EPB41L2: variants seen among roughly 807,000 people sequenced by gnomAD.
The protein encoded by EPB41L2 is erythrocyte membrane protein band 4.1 like 2.
EPB41L2 carries 43 observed loss-of-function variants against 113.0 expected under a neutral mutation model. The observed-to-expected ratio is 0.38, with a 90% CI of 0.30 to 0.49. The LOEUF is 0.49. Ranked by LOEUF, EPB41L2 falls within the 20% of genes least tolerant of loss-of-function variation. EPB41L2 has a pLI of 0.95. For missense variants in EPB41L2, 1,147 were observed against 1,223.4 expected (o/e 0.94, Z 0.93); for synonymous variants, 442 against 436.7 (o/e 1.01, Z -0.15).
intron 19 of EPB41L2, among the ~76,000 whole-genome samples, chr6:130,844,971 GGCAGAAGTT>G (rs1471167184): frequency 2.0e-5 from 3 of 152,048 alleles, no homozygotes; most frequent in Admixed American, 6.6e-5. Context: ...GAACCCACGA[GGCAGAAGTT>G]GCAGTGAGCT....
chr6:130,951,581 C>T (rs1815115576), intron 3 of EPB41L2, among the ~76,000 whole-genome samples: 1 of 151,762 alleles, frequency 6.6e-6, no homozygotes, highest in African/African-American at 2.4e-5. Context: ...GCCTCAGCCT[C>T]CCAAAGTGCT....
intron 5 of EPB41L2, among the ~76,000 whole-genome samples, chr6:130,908,235 G>A (rs1168924126): frequency 6.6e-6 from 1 of 152,142 alleles, no homozygotes; most frequent in East Asian, 1.9e-4. Context: ...GAACAAATGG[G>A]AAAAGGGGAA....
intron 19 of EPB41L2, among the ~76,000 whole-genome samples, chr6:130,843,877 CAG>C (rs1254942649): frequency 1.3e-5 from 2 of 152,164 alleles, no homozygotes; most frequent in Admixed American, 6.5e-5. Context: ...ACAGAGGGAT[CAG>C]AGAGTTATTT....
intron 19 of EPB41L2, among the ~76,000 whole-genome samples, chr6:130,857,813 T>C (rs1371616131): frequency 1.3e-5 from 2 of 152,174 alleles, no homozygotes; most frequent in African/African-American, 2.4e-5. Flanking sequence ...AGAAGGTTAA[T>C]AGCATCTTCC....
At chr6:130,950,207 C>T (rs1814403733) in intron 3 of EPB41L2, among the ~76,000 whole-genome samples, 1 of 151,960 alleles carries the variant, frequency 6.6e-6, no homozygotes. Flanking sequence ...TTAGAAAAAG[C>T]ACAGTTATCC....
intron 1 of EPB41L2, among the ~76,000 whole-genome samples, chr6:131,011,938 G>A (rs940251067): frequency 1.3e-5 from 2 of 152,184 alleles, no homozygotes; most frequent in Non-Finnish European, 2.9e-5. Context: ...AAGCACAGTG[G>A]CTCAAGCCTA....
intron 1 of EPB41L2, among the ~76,000 whole-genome samples, chr6:131,024,274 T>C (rs1366963588): frequency 1.3e-5 from 2 of 152,104 alleles, no homozygotes; most frequent in African/African-American, 2.4e-5. Context: ...TGAAACAATA[T>C]GGCATGCTGA....
chr6:130,996,344 T>A (rs998904877), intron 1 of EPB41L2, among the ~76,000 whole-genome samples: 8 of 151,764 alleles, frequency 5.3e-5, no homozygotes, highest in African/African-American at 1.9e-4. Flanking sequence ...ATGACAGGAG[T>A]CAGGCCAGCA....
In EPB41L2 at chr6:130,993,309, C is replaced by T. The variant is rs1014860777; in HGVS notation, c.-14-36810G>A. Among the ~76,000 whole-genome samples, 2 of 152,124 alleles carry T rather than the reference C, an allele frequency of 1.3e-5. 1 individual carries two copies. The highest frequency in any genetic ancestry group is 1.3e-4 in the Admixed American group (2 of 15,272). Reference sequence around the variant, plus strand: ...TAGATAAGAGAAATATGAAATGAGGCTTCCTTGTCCCAGGGAAATTAGGTA... The same window carrying T: ...TAGATAAGAGAAATATGAAATGAGGTTTCCTTGTCCCAGGGAAATTAGGTA... On this transcript the variant is annotated intron_variant, in intron 1 of 19. Transcript: ENST00000337057.
At chr6:131,052,879 C>G (rs1440869280) in intron 1 of EPB41L2, among the ~76,000 whole-genome samples, 2 of 152,130 alleles carry the variant, frequency 1.3e-5, no homozygotes, top group African/African-American at 4.8e-5. Context: ...TCAATTTGAA[C>G]AACTATCTAC....
At chr6:131,010,409 A>G (rs1387614488) in intron 1 of EPB41L2, among the ~76,000 whole-genome samples, 4 of 143,388 alleles carry the variant, frequency 2.8e-5, no homozygotes, top group Non-Finnish European at 6.1e-5. Flanking sequence ...ATAAAGAATT[A>G]ATTAATTTTT....
At chr6:130,851,008 C>A (rs1393819743) in intron 19 of EPB41L2, among the ~76,000 whole-genome samples, 2 of 152,208 alleles carry the variant, frequency 1.3e-5, no homozygotes, top group Non-Finnish European at 2.9e-5. Flanking sequence ...AGAAGTCAGT[C>A]CTCATCTGAG....
At chr6:130,952,854 T>C (rs564906318) in intron 3 of EPB41L2, among the ~76,000 whole-genome samples, 12 of 151,906 alleles carry the variant, frequency 7.9e-5, no homozygotes, top group South Asian at 2.1e-4. Flanking sequence ...TAACAAATGA[T>C]AGAAATTTTT....
At chr6:131,021,661 G>C (rs1172267353) in intron 1 of EPB41L2, among the ~76,000 whole-genome samples, 1 of 150,960 alleles carries the variant, frequency 6.6e-6, no homozygotes, top group East Asian at 1.9e-4. Flanking sequence ...GATTCCGTCT[G>C]GGAAAAAAAA....
At chr6:131,032,041 T>G (rs1357430309) in intron 1 of EPB41L2, among the ~76,000 whole-genome samples, 1 of 152,092 alleles carries the variant, frequency 6.6e-6, no homozygotes, top group African/African-American at 2.4e-5. Context: ...AAAAACACAT[T>G]TGAAGAGAAA....
intron 4 of EPB41L2, among the ~76,000 whole-genome samples, chr6:130,920,038 A>G (rs1583455988): frequency 6.6e-6 from 1 of 152,294 alleles, no homozygotes; most frequent in Middle Eastern, 3.4e-3. Context: ...GGATGACATA[A>G]CATCTTTATT....
In EPB41L2 at chr6:130,895,044, T is replaced by C. The variant is rs542627037; in HGVS notation, c.1312A>G (p.Asn438Asp). The C allele has an allele frequency of 6.2e-7, 1 of 1,614,054 alleles. No individual in the cohort carries two copies. Among genetic ancestry groups the C allele is most frequent in the South Asian group, 1.1e-5 (1 of 91,084 alleles). ...LLIYKDRLRI[N>D]RFAWPKILKI... ...AAGATTTTCGGCCAAGCAAAACGATTGATTCGCAGTCTGTCTTTGTAAATG... is the reference window on the plus strand; with the variant it reads ...AAGATTTTCGGCCAAGCAAAACGATCGATTCGCAGTCTGTCTTTGTAAATG... Residue 438 changes from asparagine (N) to aspartate (D), a missense_variant, in exon 9 of 20, where the codon AAT becomes GAT. Asn to Asp is a conservative substitution (Grantham distance 23). Coordinates refer to ENST00000337057, the MANE Select transcript of EPB41L2 (RefSeq NM_001431.4).
intron 1 of EPB41L2, among the ~76,000 whole-genome samples, chr6:131,023,656 GCC>G (rs1790047723): frequency 6.6e-6 from 1 of 150,690 alleles, no homozygotes; most frequent in Non-Finnish European, 1.5e-5. Context: ...CTGCACTCCA[GCC>G]TGGGCAACAG....
chr6:130,949,548 G>A (rs1814098644), intron 3 of EPB41L2, among the ~76,000 whole-genome samples: 1 of 151,690 alleles, frequency 6.6e-6, no homozygotes, highest in Non-Finnish European at 1.5e-5. Context: ...CTGGGCAACA[G>A]AGAGAGATCC....
Sources: gnomAD v4.1 joint callset for allele counts (sites outside exome capture counted in the v4.1 genomes callset) on GRCh38, gnomAD v4.1.1 for gene constraint, MANE v1.5 for transcripts, NCBI Gene and HGNC (gene_info 2026-07-23, HGNC 2026-07-21) for gene names.